The following ZNF101 variants were observed in gnomAD, a reference collection of about 807,000 sequenced individuals.
ZNF101 encodes zinc finger protein 101 (Y2).
Under a neutral mutation model 42.6 loss-of-function variants are expected in ZNF101, and 34 were observed. That is an observed-to-expected ratio of 0.80 (90% CI 0.61 to 1.06). ZNF101 has a LOEUF of 1.06. Among genes scored for constraint, ZNF101 ranks in the 50% least tolerant of loss-of-function variants. ZNF101 has a pLI of 0.00. For synonymous variants in ZNF101, 158 were observed against 183.9 expected, an observed-to-expected ratio of 0.86 and a Z score of 1.14; for missense variants, 466 against 530.9, an observed-to-expected ratio of 0.88 and a Z score of 1.20.
rs907054144 is a variant in ZNF101, at chr19:19,680,129, C to T, written c.1140C>T (p.Ser380=). The T allele has an allele frequency of 1.2e-6, 2 of 1,612,778 alleles. No homozygotes were observed. The highest frequency in any genetic ancestry group is 1.7e-6 in the Non-Finnish European group (2 of 1,179,586). ...RCGKAFGWCS[S]LRRHEMTHTG... is the part of the protein sequence containing the mutation. ...GTAAAGCCTTTGGGTGGTGCAGTTC[C>T]CTCCGAAGACATGAAATGACTCACA... Residue 380 remains serine (S), a synonymous_variant, in exon 4 of 4, where the codon TCC becomes TCT. Transcript: ENST00000592502.
rs1375276282 is a variant in ZNF101 at position 19,677,953 on chromosome 19, T to G, written c.93T>G (p.Asp31Glu). ...CTTCCCAGAAGAATCTCTACAGAGA[T>G]GTGACGCTGGAAACCTTCAGGAACC... ...LSPSQKNLYR[D>E]VTLETFRNLA... The change falls in exon 2 of 4, where the codon GAT becomes GAG. Residue 31 changes from aspartate to glutamate, a missense_variant. Transcript: ENST00000592502. 6.2e-7 allele frequency: 1 copy of G among 1,612,430 alleles called. No individual in the cohort carries two copies.
At chr19:19,671,617 T>A (rs892334537) in intron 1 of ZNF101, among the ~76,000 whole-genome samples, 1 of 151,702 alleles carries the variant, frequency 6.6e-6, no homozygotes, top group Admixed American at 6.6e-5. Context: ...CTCCTGCCTC[T>A]GCCTCCCGAG....
Position 19,679,375 on chromosome 19 carries a change from G to T in ZNF101, c.386G>T (p.Arg129Leu), listed in dbSNP as rs375316779. Residue 129 changes from arginine (R) to leucine (L), a missense_variant, in exon 4 of 4, where the codon CGA becomes CTA. Coordinates refer to ENST00000592502, the MANE Select transcript of ZNF101 (RefSeq NM_033204.4). ...RHMRAHAGHKRSECGGEWRET... is the reference protein window; with the variant it reads ...RHMRAHAGHKLSECGGEWRET... ...ATGAGAGCTCATGCTGGACACAAAC[G>T]ATCTGAGTGTGGTGGGGAATGGAGA... The T allele has an allele frequency of 2.5e-6, 4 of 1,614,020 alleles. No homozygotes were observed. The highest frequency in any genetic ancestry group is 2.2e-5 in the East Asian group (1 of 44,872).
At chr19:19,669,142 C>A (rs2062153484) in intron 1 of ZNF101, among the ~76,000 whole-genome samples, 176 bp downstream of exon 1, 1 of 152,178 alleles carries the variant, frequency 6.6e-6, no homozygotes. Context: ...CCGCCGGGAC[C>A]CCGGGTGTCC....
intron 1 of ZNF101, among the ~76,000 whole-genome samples, chr19:19,671,240 G>A (rs750323272): frequency 3.9e-5 from 6 of 152,234 alleles, no homozygotes; most frequent in Non-Finnish European, 8.8e-5. Flanking sequence ...TCTGTTTTGT[G>A]TTATCTGGAT....
chr19:19,672,051 C>T (rs1480256189), intron 1 of ZNF101, among the ~76,000 whole-genome samples: 1 of 143,374 alleles, frequency 7.0e-6, no homozygotes, highest in Non-Finnish European at 1.5e-5. Context: ...AGTGAGACCC[C>T]CATCTTAAAA....
chr19:19,682,745 T>G lies in ZNF101; in HGVS notation c.*2445T>G, dbSNP rs1218614073. 6.6e-6 allele frequency: 1 copy of G among 152,184 alleles called. No homozygotes were observed. Among genetic ancestry groups the G allele is most frequent in the Admixed American group, 6.6e-5 (1 of 15,256 alleles). The allele number at this position is 152,184 out of a possible 1,614,324, so 9.4% of individuals were successfully genotyped here. A position where few individuals can be genotyped will look rare whatever the true frequency, so the allele number is the denominator to read the frequency against. ...TGAAGTGAAATTTATTTCTAATATG[T>G]AAGCAGGTTTAATTTTTATGTAGTG... On this transcript the variant is annotated 3_prime_UTR_variant, in exon 4 of 4. Transcript: ENST00000592502.
intron 1 of ZNF101, chr19:19,677,592 A>G (rs1424534683): frequency 6.1e-6 from 2 of 330,432 alleles, no homozygotes; most frequent in East Asian, 1.5e-4. Context: ...TCACTCTGCA[A>G]AGAGCATTTG....
chr19:19,683,081 A>G lies in ZNF101; in HGVS notation c.*2781A>G, dbSNP rs1376423642. ...TGGCCTCCCAAAGTGCTGAGATTACAGGAGTGAGCCACTGCGACCGGCCCA... is the reference window on the plus strand; with the variant it reads ...TGGCCTCCCAAAGTGCTGAGATTACGGGAGTGAGCCACTGCGACCGGCCCA... On this transcript the variant is annotated 3_prime_UTR_variant, in exon 4 of 4. Transcript: ENST00000592502. 2 of 152,242 alleles carry G rather than the reference A, an allele frequency of 1.3e-5. No homozygotes were observed. The highest frequency in any genetic ancestry group is 2.4e-5 in the African/African-American group (1 of 41,464). The allele number at this position is 152,242 out of a possible 1,614,324, so 9.4% of individuals were successfully genotyped here. A position where few individuals can be genotyped will look rare whatever the true frequency, so the allele number is the denominator to read the frequency against.
chr19:19,672,611 T>C (rs7249670), intron 1 of ZNF101, among the ~76,000 whole-genome samples: 43,885 of 151,810 alleles, frequency 0.29, 6,823 homozygotes, highest in African/African-American at 0.39. Flanking sequence ...TTGCAACCTC[T>C]GCCTCCCAGG....
In ZNF101 at chr19:19,680,312, G is replaced by A. The variant is rs770705025; in HGVS notation, c.*12G>A. The A allele has an allele frequency of 4.2e-6, 6 of 1,432,982 alleles. No homozygotes were observed. The South Asian group carries it at 4.4e-5, about 10-fold the overall frequency. The allele number at this position is 1,432,982 out of a possible 1,614,324, so 88.8% of individuals were successfully genotyped here. On this transcript the variant is annotated 3_prime_UTR_variant, in exon 4 of 4. Coordinates refer to ENST00000592502, the MANE Select transcript of ZNF101 (RefSeq NM_033204.4). The stretch of plus-strand genomic sequence containing the variant: ...GCCCAGGAGTTTGAGACCAGCCTGG[G>A]CAACATAAGAAGGCCCCATATCGGC...
rs905374752 is a variant in ZNF101, at chr19:19,681,705, G to A, written c.*1405G>A. 2 of 151,956 alleles carry A rather than the reference G, an allele frequency of 1.3e-5. No homozygotes were observed. The highest frequency in any genetic ancestry group is 4.8e-5 in the African/African-American group (2 of 41,386). The allele number at this position is 151,956 out of a possible 1,614,324, so 9.4% of individuals were successfully genotyped here. On this transcript the variant is annotated 3_prime_UTR_variant, in exon 4 of 4. Coordinates refer to ENST00000592502, the MANE Select transcript of ZNF101 (RefSeq NM_033204.4). The stretch of plus-strand genomic sequence containing the variant: ...GTCGAGGTTGCAGTGAGTGGAGATT[G>A]CGCCACTGGACTCCAGCCTGGGCAA...
chr19:19,682,317 TC>T lies in ZNF101; in HGVS notation c.*2018del, dbSNP rs2062244520. 1 of 152,018 alleles carries T rather than the reference TC, an allele frequency of 6.6e-6. No homozygotes were observed. 9.4% of individuals were successfully genotyped at this position (152,018 alleles called of 1,614,324 possible). A position where few individuals can be genotyped will look rare whatever the true frequency, so the allele number is the denominator to read the frequency against. On this transcript the variant is annotated 3_prime_UTR_variant, in exon 4 of 4. Coordinates refer to ENST00000592502, the MANE Select transcript of ZNF101 (RefSeq NM_033204.4). ...TCACTGTAACCTCTGACTTCTGGGT[TC>T]AAGCAATTCTCCTGCTTCAGTCTCC... is the stretch of plus-strand genomic sequence containing the variant.
rs1280282342 is a variant in ZNF101 at position 19,679,678 on chromosome 19, G to A, written c.689G>A (p.Cys230Tyr). The A allele has an allele frequency of 6.2e-7, 1 of 1,614,058 alleles. No homozygotes were observed. Among genetic ancestry groups the A allele is most frequent in the Non-Finnish European group, 8.5e-7 (1 of 1,180,006 alleles). Reference protein sequence around the residue: ...TGEKRYECKYCGKPIDYPSLF... With the variant: ...TGEKRYECKYYGKPIDYPSLF... Reference sequence around the variant, plus strand: ...GAAAAACGCTATGAATGTAAATACTGTGGAAAACCTATCGATTATCCCAGT... The same window carrying A: ...GAAAAACGCTATGAATGTAAATACTATGGAAAACCTATCGATTATCCCAGT... The change falls in exon 4 of 4, where the codon TGT becomes TAT. Residue 230 changes from cysteine to tyrosine, a missense_variant. Physicochemically the swap from Cys to Tyr is radical, Grantham distance 194. Transcript: ENST00000592502.
At chr19:19,677,601 T>TG (rs937805383) in intron 1 of ZNF101, 16 of 350,902 alleles carry the variant, frequency 4.6e-5, no homozygotes, top group Admixed American at 8.7e-5. Flanking sequence ...AAAGAGCATT[T>TG]GGGGCAACGC....
In ZNF101 at chr19:19,679,612, T is replaced by C. The variant is rs144333705; in HGVS notation, c.623T>C (p.Val208Ala). 3,152 of 1,612,718 alleles carry C rather than the reference T, an allele frequency of 2.0e-3. 4 individuals are homozygous for C. The highest frequency in any genetic ancestry group is 2.4e-3 in the Non-Finnish European group (2,782 of 1,179,242). ...AGGGAAATAGTGAGAGCCTTCACAGTTTCCAGTTTCTTTCGAAAACATGGA... is the reference window on the plus strand; with the variant it reads ...AGGGAAATAGTGAGAGCCTTCACAGCTTCCAGTTTCTTTCGAAAACATGGA... ...KCREIVRAFT[V>A]SSFFRKHGKM... The change falls in exon 4 of 4, where the codon GTT becomes GCT. Residue 208 changes from valine to alanine, a missense_variant. Physicochemically the swap from Val to Ala is moderately conservative, Grantham distance 64. Coordinates refer to ENST00000592502, the MANE Select transcript of ZNF101 (RefSeq NM_033204.4).
Position 19,677,963 on chromosome 19 carries a change from GA to G in ZNF101, c.106del (p.Thr36ProfsTer28). 6.2e-7 allele frequency: 1 copy of G among 1,612,156 alleles called. No homozygotes were observed. The highest frequency in any genetic ancestry group is 8.5e-7 in the Non-Finnish European group (1 of 1,178,838). ...GAATCTCTACAGAGATGTGACGCTG[GA>G]AACCTTCAGGAACCTGGCCTCGGTC... ...QKNLYRDVTL[E>X]TFRNLASVGI... On this transcript the variant is annotated frameshift_variant, in exon 2 of 4. Coordinates refer to ENST00000592502, the MANE Select transcript of ZNF101 (RefSeq NM_033204.4). LOFTEE classifies it high-confidence loss of function.
intron 1 of ZNF101, among the ~76,000 whole-genome samples, chr19:19,669,388 C>T (rs943259798): frequency 2.0e-5 from 3 of 152,234 alleles, no homozygotes. Context: ...GACCCCGTCC[C>T]CCAGCTTCGC....
intron 2 of ZNF101, among the ~76,000 whole-genome samples, chr19:19,678,253 G>A (rs1364761630): frequency 1.3e-5 from 2 of 151,476 alleles, no homozygotes; most frequent in East Asian, 1.9e-4. Flanking sequence ...AAAGTGGGGG[G>A]TGGGCAATTG....
Sources: allele counts gnomAD v4.1 joint callset (sites outside exome capture counted in the v4.1 genomes callset), GRCh38; gene constraint gnomAD v4.1.1; transcripts MANE v1.5; gene names NCBI Gene and HGNC (gene_info 2026-07-23, HGNC 2026-07-21).